ASAP1: variants seen among roughly 807,000 people sequenced by gnomAD.
ASAP1 encodes ArfGAP with SH3 domain, ankyrin repeat and PH domain 1, also known as arf-GAP with SH3 domain, ANK repeat and PH domain-containing protein 1.
ASAP1 carries 43 observed loss-of-function variants against 145.2 expected under a neutral mutation model. The observed-to-expected ratio is 0.30, with a 90% CI of 0.23 to 0.38. The LOEUF is 0.38. ASAP1 is among the 10% of genes least tolerant of loss of function. ASAP1 has a pLI of 1.00. For synonymous variants in ASAP1, 546 were observed against 515.5 expected (o/e 1.06, Z -0.80); for missense variants, 1,018 against 1,355.3 (o/e 0.75, Z 3.91).
At chr8:130,123,927 CA>C (rs34680836) in intron 18 of ASAP1, 85 bp downstream of exon 18, 79,869 of 799,168 alleles carry the variant, frequency 0.1, 1 homozygote, top group South Asian at 0.12. Flanking sequence ...TGCACCCAGC[CA>C]AAAAAAAAAA....
In ASAP1 at chr8:130,138,456, T is replaced by C. The variant is rs541353175; in HGVS notation, c.1081-1418A>G. 2.0e-5 allele frequency among the ~76,000 whole-genome samples: 3 copies of C among 152,312 alleles called. No individual in the cohort carries two copies. The South Asian group carries it at 6.2e-4, about 32-fold the overall frequency. On this transcript the variant is annotated intron_variant, in intron 13 of 29. Transcript: ENST00000518721. ...GAGAATTTTGCCAAAGAGGAAACAG[T>C]GCTTGGGAAGATTCCTGTACTCCAG...
chr8:130,188,723 C>CAAAAAAAAAAAAAAAAAAAAAAAAAAA, intron 5 of ASAP1, among the ~76,000 whole-genome samples: 1 of 83,844 alleles, frequency 1.2e-5, no homozygotes, highest in Non-Finnish European at 2.2e-5. Context: ...GAGACTCTCT[C>CAAAAAAAAAAAAAAAAAAAAAAAAAAA]AAAAAAAAAA....
chr8:130,334,454 T>C (rs1236455695), intron 3 of ASAP1, among the ~76,000 whole-genome samples: 3 of 152,254 alleles, frequency 2.0e-5, no homozygotes, highest in Admixed American at 6.5e-5. Context: ...ACAATATATA[T>C]GGTCTCTTTT....
At chr8:130,066,621 T>TTTCATTCA (rs201665012) in intron 27 of ASAP1, among the ~76,000 whole-genome samples, 140 of 151,930 alleles carry the variant, frequency 9.2e-4, no homozygotes, top group Admixed American at 2.4e-3. Context: ...TTTCTTTTTC[T>TTTCATTCA]TTCATTCATT....
At chr8:130,159,450 G>C (rs1050996334) in intron 12 of ASAP1, among the ~76,000 whole-genome samples, 28 of 150,342 alleles carry the variant, frequency 1.9e-4, no homozygotes, top group African/African-American at 6.8e-4. Context: ...GTGAAATCTC[G>C]TCTCTAGTAA....
intron 20 of ASAP1, among the ~76,000 whole-genome samples, chr8:130,117,506 C>T (rs2135642579): frequency 6.6e-6 from 1 of 152,228 alleles, no homozygotes; most frequent in South Asian, 2.1e-4. Flanking sequence ...GTTCAAATCC[C>T]CTCACTATTT....
intron 3 of ASAP1, among the ~76,000 whole-genome samples, chr8:130,331,604 G>A (rs1391805966): frequency 6.6e-6 from 1 of 152,154 alleles, no homozygotes; most frequent in African/African-American, 2.4e-5. Context: ...TAAAAAAATA[G>A]GACGTCCACC....
rs1483448514 is a variant in ASAP1 at position 130,092,008 on chromosome 8, G to A, written c.2537C>T (p.Pro846Leu). Residue 846 changes from proline to leucine, a missense_variant, in exon 25 of 30, where the codon CCT becomes CTT. By Grantham distance (98) the Pro-to-Leu change is moderately conservative (BLOSUM62 -3). Coordinates refer to ENST00000518721, the MANE Select transcript of ASAP1 (RefSeq NM_018482.4). ...RTLSDPPSPL[P>L]HGPPNKGAVP... ...TGCGCCTTTGTTTGGGGGCCCATGA[G>A]GTAGTGGGCTGGGAGGGTCGGATAG... 3.2e-6 allele frequency: 5 copies of A among 1,563,046 alleles called. No individual in the cohort carries two copies. The African/African-American group carries it at 5.7e-5, about 18-fold the overall frequency.
At chr8:130,418,505 G>A (rs1408101093) in intron 1 of ASAP1, among the ~76,000 whole-genome samples, 3 of 151,872 alleles carry the variant, frequency 2.0e-5, no homozygotes, top group Non-Finnish European at 4.4e-5. Context: ...CTGAGACAGC[G>A]CCACTGCACT....
intron 3 of ASAP1, among the ~76,000 whole-genome samples, chr8:130,354,294 C>T (rs979914565): frequency 6.6e-5 from 10 of 152,086 alleles, no homozygotes; most frequent in African/African-American, 2.4e-4. Flanking sequence ...AAAATGGAAA[C>T]GATAAATGTT....
chr8:130,243,984 ATATC>A (rs2136756124), intron 3 of ASAP1, among the ~76,000 whole-genome samples: 1 of 152,266 alleles, frequency 6.6e-6, no homozygotes, highest in South Asian at 2.1e-4. Context: ...TGTGCAGTAA[ATATC>A]TATTATTTTT....
chr8:130,090,544 C>G (rs2097503437), intron 25 of ASAP1, among the ~76,000 whole-genome samples: 1 of 152,314 alleles, frequency 6.6e-6, no homozygotes, highest in African/African-American at 2.4e-5. Flanking sequence ...TCCAATGTCT[C>G]CTCTTCTCTA....
chr8:130,347,804 C>A (rs1825784568), intron 3 of ASAP1, among the ~76,000 whole-genome samples: 3 of 152,342 alleles, frequency 2.0e-5, no homozygotes, highest in African/African-American at 7.2e-5. Context: ...TTGGTGCGAG[C>A]TGCCTTCATC....
At chr8:130,102,996 G>C (rs200123504) in intron 24 of ASAP1, among the ~76,000 whole-genome samples, 1 of 28,804 alleles carries the variant, frequency 3.5e-5, no homozygotes, top group African/African-American at 1.6e-4. Flanking sequence ...CAGCCTAGCT[G>C]TCTGTTTTTT....
rs139282070 is a variant in ASAP1, at chr8:130,201,855, T to G, written c.405+12701A>C. Among the ~76,000 whole-genome samples, 569 of 152,360 alleles carry G rather than the reference T, an allele frequency of 3.7e-3. 3 individuals carry two copies. Among genetic ancestry groups the G allele is most frequent in the African/African-American group, 0.013 (542 of 41,584 alleles). ...CCACACTGTAACATCGGATCACATT[T>G]TCCTTGCTTTCACTCAACATCTTTA... is the stretch of plus-strand genomic sequence containing the variant. On this transcript the variant is annotated intron_variant, in intron 5 of 29. Transcript: ENST00000518721.
chr8:130,119,400 T>G (rs1185888956), intron 18 of ASAP1, among the ~76,000 whole-genome samples: 1 of 152,222 alleles, frequency 6.6e-6, no homozygotes, highest in African/African-American at 2.4e-5. Context: ...ATGGATAACA[T>G]GCCCAAAGTC....
intron 3 of ASAP1, among the ~76,000 whole-genome samples, chr8:130,253,942 A>G (rs545858761): frequency 1.2e-4 from 19 of 152,222 alleles, no homozygotes; most frequent in African/African-American, 4.1e-4. Flanking sequence ...AATCGCTTGA[A>G]CCCAGGAGGT....
intron 3 of ASAP1, among the ~76,000 whole-genome samples, chr8:130,258,512 T>C (rs1282432447): frequency 1.3e-5 from 2 of 152,230 alleles, no homozygotes; most frequent in African/African-American, 4.8e-5. Flanking sequence ...AGTTGTTTCA[T>C]GTAAGTGTAG....
At chr8:130,128,133 A>C in intron 15 of ASAP1, 43 bp from the exon 16 acceptor site, 2 of 510,910 alleles carry the variant, frequency 3.9e-6, no homozygotes, top group Non-Finnish European at 5.5e-6. Context: ...TTATAAGAGC[A>C]TGGTCATTTT....
Sources: allele counts gnomAD v4.1 joint callset (sites outside exome capture counted in the v4.1 genomes callset), GRCh38; gene constraint gnomAD v4.1.1; transcripts MANE v1.5; gene names NCBI Gene and HGNC (gene_info 2026-07-23, HGNC 2026-07-21).